GSE1: variants seen among roughly 807,000 people sequenced by gnomAD.
The protein encoded by GSE1 is Gse1 coiled-coil protein.
Under a neutral mutation model 112.6 loss-of-function variants are expected in GSE1, and 32 were observed. That is an observed-to-expected ratio of 0.28 (90% CI 0.21 to 0.38). GSE1 has a LOEUF of 0.38. Ranked by LOEUF, GSE1 falls within the 10% of genes least tolerant of loss-of-function variation. The pLI is 1.00. For missense variants in GSE1, 2,348 were observed against 1,699.2 expected (o/e 1.38, Z -6.71); for synonymous variants, 1,115 against 735.6 (o/e 1.52, Z -8.35).
chr16:85,519,384 A>T, intron 2 of GSE1, among the ~76,000 whole-genome samples: 1 of 90,568 alleles, frequency 1.1e-5, no homozygotes, highest in African/African-American at 4.6e-5. Flanking sequence ...CATCATCATC[A>T]CCTTCACCAC....
chr16:85,505,077 G>T (rs2051494320), intron 2 of GSE1, among the ~76,000 whole-genome samples: 1 of 152,154 alleles, frequency 6.6e-6, no homozygotes, highest in African/African-American at 2.4e-5. Context: ...GGCCAAATTT[G>T]CCTTCTCCTT....
chr16:85,498,786 G>A (rs966995250), intron 2 of GSE1, among the ~76,000 whole-genome samples: 3 of 152,370 alleles, frequency 2.0e-5, no homozygotes. Context: ...CTGGCCAGGG[G>A]TGGCACAGGC....
rs1018556612 is a variant in GSE1, at chr16:85,663,732, C to T, written c.2644+118C>T. 3 of 1,000,944 alleles carry T rather than the reference C, an allele frequency of 3.0e-6. No homozygotes were observed. In the African/African-American group the frequency reaches 4.9e-5, roughly 16 times the overall value. 62.0% of individuals were successfully genotyped at this position (1,000,944 alleles called of 1,614,324 possible). ...TCTGCGATCACTGAGCCTGAGGCTG[C>T]CCCTTTACTCCTCCCGGCTCCCGGG... On this transcript the variant is annotated intron_variant, in intron 11 of 15. Coordinates refer to ENST00000253458, the MANE Select transcript of GSE1 (RefSeq NM_014615.5).
At chr16:85,267,452 C>CAGT (rs1908370028) in intron 1 of GSE1, among the ~76,000 whole-genome samples, 1 of 152,082 alleles carries the variant, frequency 6.6e-6, no homozygotes, top group Non-Finnish European at 1.5e-5. Context: ...GAAAGGAGGG[C>CAGT]AGTGACCGTG....
In GSE1 at chr16:85,656,472, GGAGCGTGAGCGTGAGAAGGAGCGC is replaced by G; in HGVS notation, c.1125_1148del (p.Arg377_Glu384del). ...GCGAGAAGGAGCGCGAGCAAGAGAAGGAGCGTGAGCGTGAGAAGGAGCGCGAGCGCGAGCTGGAGCGCCAGCGGG... is the reference window on the plus strand; with the variant it reads ...GCGAGAAGGAGCGCGAGCAAGAGAAGGAGCGCGAGCTGGAGCGCCAGCGGG... On this transcript the variant is annotated inframe_deletion, in exon 7 of 16. Coordinates refer to ENST00000253458, the MANE Select transcript of GSE1 (RefSeq NM_014615.5). 1 of 1,543,904 alleles carries G rather than the reference GGAGCGTGAGCGTGAGAAGGAGCGC, an allele frequency of 6.5e-7. No individual in the cohort carries two copies. The highest frequency in any genetic ancestry group is 8.8e-7 in the Non-Finnish European group (1 of 1,140,612).
chr16:85,492,268 C>T (rs183762371), intron 2 of GSE1, among the ~76,000 whole-genome samples: 1 of 152,272 alleles, frequency 6.6e-6, no homozygotes, highest in Admixed American at 6.5e-5. Flanking sequence ...CCGCCCCCGT[C>T]GGCCTGTGCT....
At chr16:85,404,798 T>A (rs868641986) in intron 2 of GSE1, among the ~76,000 whole-genome samples, 1 of 15,276 alleles carries the variant, frequency 6.5e-5, no homozygotes, top group Admixed American at 7.9e-4. Context: ...AGGGCCCCCC[T>A]GGATAATCCT....
At chr16:85,478,847 CTTTCTTTCTT>C (rs2050549687) in intron 2 of GSE1, among the ~76,000 whole-genome samples, 5 of 5,874 alleles carry the variant, frequency 8.5e-4, no homozygotes, top group Non-Finnish European at 7.4e-4. Context: ...TATTTTCTTT[CTTTCTTTCTT>C]TCTTTCTTTC....
At chr16:85,480,548 A>G (rs898916325) in intron 2 of GSE1, among the ~76,000 whole-genome samples, 1 of 152,184 alleles carries the variant, frequency 6.6e-6, no homozygotes, top group Non-Finnish European at 1.5e-5. Context: ...TGGGAGGCCC[A>G]GTGGAGCCCC....
chr16:85,562,722 T>G (rs2045577758), intron 1 of GSE1, among the ~76,000 whole-genome samples: 1 of 152,180 alleles, frequency 6.6e-6, no homozygotes, highest in Non-Finnish European at 1.5e-5. Flanking sequence ...TGGACACGTG[T>G]TGGGGGGAGC....
intron 1 of GSE1, among the ~76,000 whole-genome samples, chr16:85,582,962 C>T (rs1017510704): frequency 4.6e-5 from 7 of 152,130 alleles, no homozygotes; most frequent in Non-Finnish European, 8.8e-5. Flanking sequence ...ACTGTGGGCA[C>T]GGGGAGGGAA....
chr16:85,613,289 T>TGCC (rs1404757428), upstream of GSE1: 13 of 1,539,028 alleles, frequency 8.4e-6, no homozygotes, highest in African/African-American at 4.2e-5. Context: ...GGGCCCGAGC[T>TGCC]GCCGCCGCCG....
At chr16:85,495,072 T>C (rs543966358) in intron 2 of GSE1, among the ~76,000 whole-genome samples, 25 of 152,360 alleles carry the variant, frequency 1.6e-4, no homozygotes, top group Non-Finnish European at 2.8e-4. Flanking sequence ...GCTATGATCA[T>C]GCTGGGCTGT....
At chr16:85,434,924 G>A (rs998978651) in intron 2 of GSE1, among the ~76,000 whole-genome samples, 2 of 152,240 alleles carry the variant, frequency 1.3e-5, no homozygotes, top group South Asian at 4.1e-4. Flanking sequence ...TGTGGTCGCA[G>A]CCTTTCCCTG....
chr16:85,321,900 G>A (rs180888453), intron 1 of GSE1, among the ~76,000 whole-genome samples: 75 of 152,316 alleles, frequency 4.9e-4, no homozygotes, highest in Admixed American at 3.1e-3. Context: ...CTCCTAGAAG[G>A]ACCTAAGCAG....
intron 2 of GSE1, among the ~76,000 whole-genome samples, chr16:85,647,065 T>G (rs527781873): frequency 1.1e-4 from 17 of 152,254 alleles, no homozygotes; most frequent in African/African-American, 3.9e-4. Flanking sequence ...GAAGGCAGTT[T>G]TGCTCCATGA....
chr16:85,272,091 C>T (rs1908892705), intron 1 of GSE1, among the ~76,000 whole-genome samples: 1 of 152,234 alleles, frequency 6.6e-6, no homozygotes, highest in African/African-American at 2.4e-5. Context: ...GACCCGTATC[C>T]TGCGTTCCCA....
At chr16:85,335,006 C>T (rs922360699) in intron 1 of GSE1, among the ~76,000 whole-genome samples, 36 of 152,358 alleles carry the variant, frequency 2.4e-4, no homozygotes, top group African/African-American at 7.7e-4. Flanking sequence ...AGCCCCAGAC[C>T]CCTGCTCCTT....
chr16:85,613,444 C>A, intron 1 of GSE1, 46 bp downstream of exon 1: 1 of 1,507,384 alleles, frequency 6.6e-7, no homozygotes, highest in Non-Finnish European at 9.0e-7. Flanking sequence ...CCCCCCTCCC[C>A]CCACCGCACT....
Sources: allele counts gnomAD v4.1 joint callset (sites outside exome capture counted in the v4.1 genomes callset), GRCh38; gene constraint gnomAD v4.1.1; transcripts MANE v1.5; gene names NCBI Gene and HGNC (gene_info 2026-07-23, HGNC 2026-07-21).